Variants in ZSWIM7 observed in about 807,000 individuals in gnomAD.
The protein encoded by ZSWIM7 is zinc finger SWIM domain-containing protein 7.
In ZSWIM7, 22 loss-of-function variants were observed where a neutral mutation model predicts 21.1. The ratio of observed to expected loss-of-function variants is 1.04; its 90% CI spans 0.74 to 1.49. The LOEUF is 1.49. ZSWIM7 is among the 40% of genes most tolerant of loss of function. ZSWIM7 has a pLI of 0.00. For synonymous variants in ZSWIM7, 67 were observed against 66.5 expected (o/e 1.01, Z -0.04); for missense variants, 193 against 168.0 (o/e 1.15, Z -0.82).
intron 2 of ZSWIM7, among the ~76,000 whole-genome samples, chr17:15,991,582 C>A (rs1372308035): frequency 6.6e-6 from 1 of 152,114 alleles, no homozygotes; most frequent in Non-Finnish European, 1.5e-5. Context: ...TAAGATTTGT[C>A]TTTTTCCTCC....
At chr17:15,997,148 A>G (rs1597443714) in intron 1 of ZSWIM7, among the ~76,000 whole-genome samples, 2 of 144,478 alleles carry the variant, frequency 1.4e-5, no homozygotes, top group African/African-American at 5.8e-5. Context: ...TGGGTGACAG[A>G]CTGTCTCAAA....
intron 3 of ZSWIM7, among the ~76,000 whole-genome samples, chr17:15,985,644 T>C (rs1337507687): frequency 6.6e-6 from 1 of 152,198 alleles, no homozygotes; most frequent in East Asian, 1.9e-4. Context: ...TTATAATTAA[T>C]AAAGCAATGT....
chr17:15,992,465 G>A lies in ZSWIM7; in HGVS notation c.98+1292C>T, dbSNP rs1970498955. Among the ~76,000 whole-genome samples, 6 of 129,830 alleles carry A rather than the reference G, an allele frequency of 4.6e-5. No individual in the cohort carries two copies. In the South Asian group the frequency reaches 1.4e-3, roughly 31 times the overall value. 85.2% of individuals were successfully genotyped at this position (129,830 alleles called of 152,430 possible). A position where few individuals can be genotyped will look rare whatever the true frequency, so the allele number is the denominator to read the frequency against. On this transcript the variant is annotated intron_variant, in intron 2 of 4. Coordinates refer to ENST00000399277, the MANE Select transcript of ZSWIM7 (RefSeq NM_001042697.2). ...TTTTTTTTTTTTTTTTTGAGATAGAGTTTCGCTTTTATTGCCCAGGCTGGA... is the reference window on the plus strand; with the variant it reads ...TTTTTTTTTTTTTTTTTGAGATAGAATTTCGCTTTTATTGCCCAGGCTGGA...
intron 1 of ZSWIM7, among the ~76,000 whole-genome samples, chr17:15,997,089 A>G (rs1432277315): frequency 6.6e-6 from 1 of 150,648 alleles, no homozygotes. Flanking sequence ...ATCTGAGCCT[A>G]GGAGGTCAAA....
intron 2 of ZSWIM7, chr17:15,990,734 G>A (rs1415026767): frequency 6.6e-6 from 1 of 152,040 alleles, no homozygotes; most frequent in African/African-American, 2.4e-5. Context: ...ACAAATTATT[G>A]GGGGAAATAG....
intron 1 of ZSWIM7, 107 bp downstream of exon 1, chr17:15,999,412 A>G: frequency 7.2e-7 from 1 of 1,390,194 alleles, no homozygotes; most frequent in Non-Finnish European, 9.9e-7. Context: ...ACATGGAAAA[A>G]AGGCAGGGCC....
chr17:15,994,114 A>C (rs539407348), intron 1 of ZSWIM7, among the ~76,000 whole-genome samples: 1 of 152,086 alleles, frequency 6.6e-6, no homozygotes, highest in South Asian at 2.1e-4. Context: ...ATGCCCAGCT[A>C]ATTTTTTTTG....
intron 1 of ZSWIM7, chr17:15,999,266 G>A: frequency 1.6e-6 from 1 of 612,984 alleles, no homozygotes; most frequent in Non-Finnish European, 2.9e-6. Flanking sequence ...TGGCCTACTC[G>A]CTCCGACGGA....
At chr17:15,997,957 C>T (rs1424380057) in intron 1 of ZSWIM7, among the ~76,000 whole-genome samples, 1 of 152,068 alleles carries the variant, frequency 6.6e-6, no homozygotes, top group Non-Finnish European at 1.5e-5. Flanking sequence ...ACAAATTAGC[C>T]GGGTGTGGTG....
chr17:15,983,393 G>T (rs1970378262), intron 3 of ZSWIM7, among the ~76,000 whole-genome samples: 1 of 147,848 alleles, frequency 6.8e-6, no homozygotes, highest in South Asian at 2.2e-4. Flanking sequence ...TACAAATTAG[G>T]TGTTGAAAAA....
intron 3 of ZSWIM7, among the ~76,000 whole-genome samples, chr17:15,981,745 C>A (rs912202371): frequency 3.3e-5 from 5 of 151,810 alleles, no homozygotes; most frequent in African/African-American, 7.3e-5. Flanking sequence ...GACCTCGTTT[C>A]TATAGAAAAA....
chr17:15,978,117 C>G lies in ZSWIM7; in HGVS notation c.353G>C (p.Cys118Ser). The G allele has an allele frequency of 1.2e-6, 2 of 1,614,162 alleles. No individual in the cohort carries two copies. Reference protein sequence around the residue: ...AVYLSQVMRTCQQLSVSDKQL... With the variant: ...AVYLSQVMRTSQQLSVSDKQL... Reference sequence around the variant, plus strand: ...CTTGTCAGAGACACTTAGCTGCTGACAGGTCCTCATAACCTGACTCAGGTA... The same window carrying G: ...CTTGTCAGAGACACTTAGCTGCTGAGAGGTCCTCATAACCTGACTCAGGTA... Residue 118 changes from cysteine to serine, a missense_variant, in exon 5 of 5, where the codon TGT becomes TCT. Physicochemically the swap from Cys to Ser is moderately radical, Grantham distance 112 (BLOSUM62 -1). Coordinates refer to ENST00000399277, the MANE Select transcript of ZSWIM7 (RefSeq NM_001042697.2).
chr17:15,999,416 C>A, intron 1 of ZSWIM7, 103 bp downstream of exon 1: 2 of 1,405,196 alleles, frequency 1.4e-6, no homozygotes, highest in Non-Finnish European at 9.8e-7. Context: ...GGAAAAAAGG[C>A]AGGGCCAGGC....
intron 3 of ZSWIM7, among the ~76,000 whole-genome samples, chr17:15,981,709 C>T (rs542694830): frequency 5.3e-5 from 8 of 152,042 alleles, no homozygotes; most frequent in East Asian, 1.9e-4. Context: ...CCCCAGAGTT[C>T]AAGACCAGCA....
intron 2 of ZSWIM7, among the ~76,000 whole-genome samples, chr17:15,989,558 TCCC>T (rs1435138355): frequency 6.6e-6 from 1 of 152,074 alleles, no homozygotes; most frequent in Non-Finnish European, 1.5e-5. Flanking sequence ...CCTGAGGTGA[TCCC>T]CCCGCCTTGG....
intron 1 of ZSWIM7, among the ~76,000 whole-genome samples, chr17:15,994,390 G>A (rs1249934855): frequency 6.6e-6 from 1 of 152,122 alleles, no homozygotes; most frequent in Non-Finnish European, 1.5e-5. Context: ...GCCAGCAATG[G>A]GGAGAGTCAA....
chr17:15,987,583 ATGTG>A (rs1045110536), intron 2 of ZSWIM7, among the ~76,000 whole-genome samples: 3 of 151,846 alleles, frequency 2.0e-5, no homozygotes, highest in Non-Finnish European at 2.9e-5. Flanking sequence ...TTATGTATAT[ATGTG>A]TGTGTGTATA....
chr17:15,999,348 C>CT, intron 1 of ZSWIM7, 171 bp downstream of exon 1: 2 of 927,528 alleles, frequency 2.2e-6, no homozygotes, highest in Non-Finnish European at 3.3e-6. Context: ...TCCAATTTCG[C>CT]TTTTTTGTTG....
rs555200406 is a variant in ZSWIM7, at chr17:15,996,045, C to T, written c.77-2267G>A. On this transcript the variant is annotated intron_variant, in intron 1 of 4. Transcript: ENST00000399277. ...ATTATTTCCAACAAATAATTCAATA[C>T]CTAGACAAACAATCACTTAAGTGTA... Among the ~76,000 whole-genome samples the T allele has an allele frequency of 2.9e-3, 449 of 152,288 alleles. 4 individuals are homozygous for T. The highest frequency in any genetic ancestry group is 1.0e-2 in the African/African-American group (415 of 41,560).
Sources: gnomAD v4.1 joint callset for allele counts (sites outside exome capture counted in the v4.1 genomes callset) on GRCh38, gnomAD v4.1.1 for gene constraint, MANE v1.5 for transcripts, NCBI Gene and HGNC (gene_info 2026-07-23, HGNC 2026-07-21) for gene names.